The following RABGAP1L variants were observed in gnomAD, a reference collection of about 807,000 sequenced individuals.
RABGAP1L encodes RAB GTPase activating protein 1 like.
In RABGAP1L, 63 loss-of-function variants were observed where a neutral mutation model predicts 137.7. The ratio of observed to expected loss-of-function variants is 0.46; its 90% CI spans 0.37 to 0.56. The LOEUF (loss-of-function observed/expected upper bound fraction) is 0.56. RABGAP1L is among the 20% of genes least tolerant of loss of function. The pLI is 0.00. For missense variants in RABGAP1L, 1,095 were observed against 1,244.0 expected (o/e 0.88, Z 1.80); for synonymous variants, 431 against 433.7 (o/e 0.99, Z 0.08).
chr1:174,481,881 T>TAAAAAAAAAA (rs1166772879), intron 13 of RABGAP1L, among the ~76,000 whole-genome samples: 9 of 59,468 alleles, frequency 1.5e-4, no homozygotes, highest in East Asian at 4.7e-4. Flanking sequence ...TAATAAAAAA[T>TAAAAAAAAAA]AAAAAAAAAA....
At chr1:174,754,359 G>A (rs1003797741) in intron 18 of RABGAP1L, among the ~76,000 whole-genome samples, 8 of 152,066 alleles carry the variant, frequency 5.3e-5, no homozygotes, top group Admixed American at 1.3e-4. Flanking sequence ...AAAAGAATAC[G>A]CAAACATATA....
At chr1:174,368,755 T>G (rs1301486098) in intron 11 of RABGAP1L, among the ~76,000 whole-genome samples, 1 of 152,128 alleles carries the variant, frequency 6.6e-6, no homozygotes, top group Admixed American at 6.5e-5. Flanking sequence ...CCGTCATAGA[T>G]TTTTTAAAAT....
chr1:174,372,323 G>A (rs1685171560), intron 12 of RABGAP1L, among the ~76,000 whole-genome samples: 1 of 152,080 alleles, frequency 6.6e-6, no homozygotes, highest in Non-Finnish European at 1.5e-5. Context: ...AGGCACAGGA[G>A]TTTTTAGCAG....
chr1:174,378,701 A>C (rs1685815838), intron 12 of RABGAP1L, among the ~76,000 whole-genome samples: 1 of 151,626 alleles, frequency 6.6e-6, no homozygotes, highest in Non-Finnish European at 1.5e-5. Flanking sequence ...TTGTCAGATG[A>C]GTAGGTTGCG....
In RABGAP1L at chr1:174,231,248, A is replaced by G. The variant is rs774503716; in HGVS notation, c.435A>G (p.Pro145=). 6.2e-7 allele frequency: 1 copy of G among 1,613,978 alleles called. No homozygotes were observed. Among genetic ancestry groups the G allele is most frequent in the Non-Finnish European group, 8.5e-7 (1 of 1,179,880 alleles). The change falls in exon 4 of 26, where the codon CCA becomes CCG. Residue 145 remains proline, a synonymous_variant. Coordinates refer to ENST00000681986, the MANE Select transcript of RABGAP1L (RefSeq NM_001366446.1). The part of the protein sequence containing the change: ...TYLGCMKVSS[P]RNEVEALRAM... ...TAGGATGTATGAAGGTTTCTTCCCC[A>G]CGTAATGAAGTAGAGGCTTTACGGG...
intron 13 of RABGAP1L, among the ~76,000 whole-genome samples, chr1:174,495,948 G>C (rs1444679378): frequency 3.3e-5 from 5 of 152,070 alleles, no homozygotes; most frequent in Non-Finnish European, 7.4e-5. Context: ...TCGAACCCTG[G>C]ACACAAGCAT....
At chr1:174,212,649 A>C (rs192166613) in intron 1 of RABGAP1L, among the ~76,000 whole-genome samples, 67 of 152,216 alleles carry the variant, frequency 4.4e-4, no homozygotes, top group Admixed American at 1.6e-3. Flanking sequence ...ACAAGAGCAA[A>C]CCAAACCCAA....
intron 22 of RABGAP1L, among the ~76,000 whole-genome samples, chr1:174,977,855 G>A (rs1254697964): frequency 2.7e-5 from 3 of 109,882 alleles, no homozygotes; most frequent in Non-Finnish European, 6.2e-5. Flanking sequence ...CTTACCAATT[G>A]CTTTTAGAAT....
chr1:174,696,395 A>G (rs908735490), intron 15 of RABGAP1L, among the ~76,000 whole-genome samples: 2 of 151,994 alleles, frequency 1.3e-5, no homozygotes, highest in Non-Finnish European at 2.9e-5. Context: ...TGTTGTTTCT[A>G]TTTGATCCCT....
chr1:174,860,113 G>T (rs1283192235), intron 19 of RABGAP1L, among the ~76,000 whole-genome samples: 2 of 151,906 alleles, frequency 1.3e-5, no homozygotes, highest in African/African-American at 4.8e-5. Context: ...ACAAATGTAG[G>T]TTCTTTATGT....
intron 15 of RABGAP1L, among the ~76,000 whole-genome samples, chr1:174,695,426 T>A (rs1480694490): frequency 6.6e-6 from 1 of 152,160 alleles, no homozygotes; most frequent in Non-Finnish European, 1.5e-5. Context: ...GTCAGTTGAA[T>A]TTTTTAGCTT....
At chr1:174,950,366 A>G (rs1339016292) in intron 19 of RABGAP1L, among the ~76,000 whole-genome samples, 1 of 152,196 alleles carries the variant, frequency 6.6e-6, no homozygotes, top group Non-Finnish European at 1.5e-5. Flanking sequence ...TCATTGTTTA[A>G]TATGTTCCCT....
chr1:174,367,761 C>T, intron 11 of RABGAP1L: 1 of 197,616 alleles, frequency 5.1e-6, no homozygotes. Context: ...AGTGATTATC[C>T]ATAAGGATGT....
intron 1 of RABGAP1L, among the ~76,000 whole-genome samples, chr1:174,190,948 A>C (rs975983740): frequency 1.3e-5 from 2 of 152,216 alleles, no homozygotes; most frequent in African/African-American, 4.8e-5. Context: ...AGGAGAGGGA[A>C]AGAGATGGAA....
chr1:174,984,828 T>C (rs530186304), intron 24 of RABGAP1L, among the ~76,000 whole-genome samples: 1 of 152,240 alleles, frequency 6.6e-6, no homozygotes, highest in East Asian at 1.9e-4. Flanking sequence ...ATGAGAACTA[T>C]AGACCAAAAA....
Position 174,191,620 on chromosome 1 carries a change from C to T in RABGAP1L, c.-33-27505C>T, listed in dbSNP as rs183355164. ...GATCATATAGTAGCTGCTAATTAAA[C>T]ATTTATTAGCTGCTTCCTCCTTTTC... On this transcript the variant is annotated intron_variant, in intron 1 of 25. Coordinates refer to ENST00000681986, the MANE Select transcript of RABGAP1L (RefSeq NM_001366446.1). Among the ~76,000 whole-genome samples the T allele has an allele frequency of 2.0e-3, 298 of 152,290 alleles. 1 individual carries two copies. Among genetic ancestry groups the T allele is most frequent in the African/African-American group, 6.8e-3 (282 of 41,566 alleles).
intron 18 of RABGAP1L, among the ~76,000 whole-genome samples, chr1:174,765,812 C>A (rs139349438): frequency 3.3e-5 from 5 of 152,038 alleles, no homozygotes; most frequent in African/African-American, 4.8e-5. Flanking sequence ...TCTAAGGTCA[C>A]GAAAATTTCT....
intron 1 of RABGAP1L, among the ~76,000 whole-genome samples, chr1:174,198,302 G>A (rs936796967): frequency 1.3e-5 from 2 of 152,092 alleles, no homozygotes; most frequent in Non-Finnish European, 2.9e-5. Context: ...TACAGAGAAA[G>A]GCCTTCAGGA....
chr1:174,189,204 A>G (rs1667029019), intron 1 of RABGAP1L, among the ~76,000 whole-genome samples: 1 of 151,984 alleles, frequency 6.6e-6, no homozygotes, highest in African/African-American at 2.4e-5. Flanking sequence ...ACGGGGTTTC[A>G]CTGTGTTAGC....
Sources: gnomAD v4.1 joint callset for allele counts (sites outside exome capture counted in the v4.1 genomes callset) on GRCh38, gnomAD v4.1.1 for gene constraint, MANE v1.5 for transcripts, NCBI Gene and HGNC (gene_info 2026-07-23, HGNC 2026-07-21) for gene names.